Variants in EVL observed in about 807,000 individuals in gnomAD.
EVL encodes ena/VASP-like protein.
In EVL, 21 loss-of-function variants were observed where a neutral mutation model predicts 59.6. The ratio of observed to expected loss-of-function variants is 0.35; its 90% confidence interval spans 0.25 to 0.51. EVL has a LOEUF of 0.51. EVL is among the 20% of genes least tolerant of loss of function. EVL has a pLI of 0.97. For missense variants in EVL, 462 were observed against 546.6 expected (o/e 0.85, Z 1.54); for synonymous variants, 198 against 203.5 (o/e 0.97, Z 0.23).
intron 1 of EVL, among the ~76,000 whole-genome samples, chr14:100,065,883 G>C (rs1290224744): frequency 6.6e-6 from 1 of 152,180 alleles, no homozygotes; most frequent in African/African-American, 2.4e-5. Context: ...CTTCTCTCTA[G>C]AATGACCCGA....
chr14:100,090,042 T>C lies in EVL; in HGVS notation c.180+5187T>C, dbSNP rs575486578. ...AGTGATCTATGCCACTATCTCAAGA[T>C]GGTAGAAGAAAAATGAAAGCAAATT... On this transcript the variant is annotated intron_variant, in intron 2 of 13. Transcript: ENST00000392920. 7.9e-5 allele frequency among the ~76,000 whole-genome samples: 12 copies of C among 151,974 alleles called. No individual in the cohort carries two copies. The East Asian group carries it at 2.3e-3, about 29-fold the overall frequency.
chr14:100,098,551 A>T (rs1447568063), intron 3 of EVL, among the ~76,000 whole-genome samples: 1 of 152,196 alleles, frequency 6.6e-6, no homozygotes, highest in Non-Finnish European at 1.5e-5. Flanking sequence ...GGGCTAGCAA[A>T]AAGTTTCTCA....
chr14:100,079,440 G>A (rs2062242573), intron 1 of EVL, among the ~76,000 whole-genome samples: 1 of 152,196 alleles, frequency 6.6e-6, no homozygotes, highest in Non-Finnish European at 1.5e-5. Context: ...AACAGTTCCT[G>A]CCTTCAAGGA....
intron 1 of EVL, among the ~76,000 whole-genome samples, chr14:99,997,716 G>A (rs892602867): frequency 9.8e-5 from 15 of 152,302 alleles, no homozygotes; most frequent in South Asian, 6.2e-4. Context: ...GGTTGTTTGC[G>A]TTAGAAGGAA....
At chr14:100,018,313 G>C (rs2061068489) in intron 1 of EVL, among the ~76,000 whole-genome samples, 1 of 152,224 alleles carries the variant, frequency 6.6e-6, no homozygotes, top group Non-Finnish European at 1.5e-5. Flanking sequence ...TGGTCCATGG[G>C]CCCGAGAAGG....
At chr14:100,061,841 T>G (rs1372430356), upstream of EVL, among the ~76,000 whole-genome samples, 1 of 152,172 alleles carries the variant, frequency 6.6e-6, no homozygotes, top group Non-Finnish European at 1.5e-5. Context: ...GTTTCACTAG[T>G]CATTAATTGG....
At chr14:100,110,418 G>A (rs1034152731) in intron 3 of EVL, among the ~76,000 whole-genome samples, 3 of 152,130 alleles carry the variant, frequency 2.0e-5, no homozygotes, top group Non-Finnish European at 4.4e-5. Context: ...CTCCTGTGTG[G>A]TGCCAGCAGC....
At chr14:100,015,215 A>T (rs1566969298) in intron 1 of EVL, among the ~76,000 whole-genome samples, 1 of 152,218 alleles carries the variant, frequency 6.6e-6, no homozygotes, top group Admixed American at 6.5e-5. Flanking sequence ...CTGTAATGAG[A>T]TTCAGTACTA....
chr14:100,108,476 G>A lies in EVL; in HGVS notation c.358+10818G>A, dbSNP rs922718237. Among the ~76,000 whole-genome samples, 1 of 152,150 alleles carries A rather than the reference G, an allele frequency of 6.6e-6. No individual in the cohort carries two copies. The highest frequency in any genetic ancestry group is 1.5e-5 in the Non-Finnish European group (1 of 68,020). ...CAGGACGGCAAGCCCCTGGCCTCCTGCCTGCTCCCAGCTGCCCTCTGGCGG... is the reference window on the plus strand; with the variant it reads ...CAGGACGGCAAGCCCCTGGCCTCCTACCTGCTCCCAGCTGCCCTCTGGCGG... On this transcript the variant is annotated intron_variant, in intron 3 of 13. Transcript: ENST00000392920. This position sits in a 1 kb window ranked among gnomAD's most constrained non-coding sequence, Gnocchi z 4.1.
intron 1 of EVL, among the ~76,000 whole-genome samples, chr14:100,044,322 A>G (rs1397606873): frequency 6.6e-6 from 1 of 152,228 alleles, no homozygotes; most frequent in Non-Finnish European, 1.5e-5. Context: ...GAAGGGAGAT[A>G]GTCCCTATAT....
chr14:100,059,850 C>G (rs1475716840), intron 1 of EVL, among the ~76,000 whole-genome samples: 1 of 152,148 alleles, frequency 6.6e-6, no homozygotes, highest in Non-Finnish European at 1.5e-5. Context: ...CCCTGACTAC[C>G]AGAACAGACT....
chr14:100,012,212 T>C (rs1226647156), intron 1 of EVL, among the ~76,000 whole-genome samples: 1 of 152,222 alleles, frequency 6.6e-6, no homozygotes, highest in African/African-American at 2.4e-5. Flanking sequence ...CAGCTTCATA[T>C]ACTTGGTATT....
intron 1 of EVL, among the ~76,000 whole-genome samples, chr14:100,070,798 G>T (rs1050420956): frequency 6.6e-6 from 1 of 152,218 alleles, no homozygotes; most frequent in Non-Finnish European, 1.5e-5. Flanking sequence ...CCAAGGCTGT[G>T]CTAAAACCTG....
chr14:99,991,994 G>C (rs987357315), intron 1 of EVL, among the ~76,000 whole-genome samples: 3 of 148,988 alleles, frequency 2.0e-5, no homozygotes, highest in African/African-American at 7.5e-5. Context: ...GTGTGTGTGT[G>C]TGTCCAGTGA....
chr14:99,979,478 T>C (rs1045972348), intron 1 of EVL, among the ~76,000 whole-genome samples: 2 of 150,248 alleles, frequency 1.3e-5, no homozygotes, highest in African/African-American at 4.9e-5. Flanking sequence ...ATTATTAAAC[T>C]TTTTTTTTTC....
intron 1 of EVL, among the ~76,000 whole-genome samples, chr14:100,077,445 G>A (rs1420452362): frequency 6.6e-6 from 1 of 152,174 alleles, no homozygotes; most frequent in Non-Finnish European, 1.5e-5. Context: ...TAAATTGTGA[G>A]GTCTCTAAGT....
exon 1 of EVL, chr14:99,971,988 C>CCCGCCGCCGCCGCCGCCG (rs563451637): frequency 6.8e-6 from 1 of 147,776 alleles, no homozygotes; most frequent in Non-Finnish European, 1.5e-5. Context: ...CGTCCCGCGC[C>CCCGCCGCCGCCGCCGCCG]CCGCCGCCGC....
At chr14:100,038,185 A>G (rs2061415152) in intron 1 of EVL, among the ~76,000 whole-genome samples, 1 of 152,248 alleles carries the variant, frequency 6.6e-6, no homozygotes, top group Non-Finnish European at 1.5e-5. Context: ...TGTAGATTTA[A>G]TAAAGCACCA....
chr14:100,005,669 A>ACACC (rs1491230019), intron 1 of EVL, among the ~76,000 whole-genome samples: 8 of 142,270 alleles, frequency 5.6e-5, no homozygotes, highest in African/African-American at 1.6e-4. Context: ...ACACACACAC[A>ACACC]CCCCTTGGAT....
Sources: gnomAD v4.1 joint callset for allele counts (sites outside exome capture counted in the v4.1 genomes callset) on GRCh38, gnomAD v4.1.1 for gene constraint, Gnocchi (gnomAD v3.1) non-coding constraint, MANE v1.5 for transcripts, NCBI Gene and HGNC (gene_info 2026-07-23, HGNC 2026-07-21) for gene names.